Variants in SLC9D1 observed in about 807,000 individuals in gnomAD.
SLC9D1 encodes the protein putative LAG1-interacting protein.
At chr13:113,532,694 G>A in the SLC9D1 span, among the ~76,000 whole-genome samples, 14 of 152,232 alleles carry the variant, frequency 9.2e-5, no homozygotes, top group Admixed American at 5.9e-4. Context: ...GTCTGTCTCC[G>A]TTCCTGCCAG....
the SLC9D1 span, among the ~76,000 whole-genome samples, chr13:113,515,923 G>A: frequency 6.0e-5 from 9 of 149,176 alleles, no homozygotes; most frequent in Non-Finnish European, 1.2e-4. Context: ...AAGAAATGCA[G>A]CTGACTTGTG....
chr13:113,492,892 C>G, the SLC9D1 span, among the ~76,000 whole-genome samples: 1 of 152,082 alleles, frequency 6.6e-6, no homozygotes, highest in Non-Finnish European at 1.5e-5. Context: ...GAGCAAAACT[C>G]CGTCTCAAAC....
chr13:113,534,476 T>C, the SLC9D1 span: 1 of 526,398 alleles, frequency 1.9e-6, no homozygotes, highest in African/African-American at 2.0e-5. Context: ...AAAATAGTGT[T>C]TGTGAGTATT....
At chr13:113,519,189 G>A in the SLC9D1 span, among the ~76,000 whole-genome samples, 1 of 152,132 alleles carries the variant, frequency 6.6e-6, no homozygotes, top group East Asian at 1.9e-4. Context: ...GACTGCAGGT[G>A]CCCGCCACCA....
At chr13:113,525,086 T>G in the SLC9D1 span, among the ~76,000 whole-genome samples, 1 of 152,224 alleles carries the variant, frequency 6.6e-6, no homozygotes, top group Non-Finnish European at 1.5e-5. Flanking sequence ...TATCACTGTT[T>G]GCTGGAATCC....
chr13:113,549,063 G>A, the SLC9D1 span, among the ~76,000 whole-genome samples: 1 of 152,174 alleles, frequency 6.6e-6, no homozygotes, highest in African/African-American at 2.4e-5. Context: ...GCAAACACAG[G>A]CTAAAGCTGT....
chr13:113,533,503 G>T, the SLC9D1 span, among the ~76,000 whole-genome samples: 2 of 152,188 alleles, frequency 1.3e-5, no homozygotes, highest in South Asian at 2.1e-4. Context: ...GCAGATAGTG[G>T]ATGTCCGCTG....
the SLC9D1 span, chr13:113,504,520 G>C: frequency 1.3e-5 from 2 of 152,220 alleles, no homozygotes; most frequent in South Asian, 4.1e-4. Flanking sequence ...GCAGAGTCCA[G>C]TGTGTCATTC....
the SLC9D1 span, chr13:113,500,000 G>A: frequency 1.9e-6 from 3 of 1,568,804 alleles, no homozygotes; most frequent in Non-Finnish European, 2.6e-6. Context: ...GGTGGAGGAA[G>A]AAGAGGCCAA....
At chr13:113,547,439 T>A in the SLC9D1 span, 1 of 1,375,594 alleles carries the variant, frequency 7.3e-7, no homozygotes, top group Non-Finnish European at 1.0e-6. Context: ...GCCCTCCCTG[T>A]GGCCCTGGTT....
At chr13:113,520,718 C>T in the SLC9D1 span, 1 of 1,611,826 alleles carries the variant, frequency 6.2e-7, no homozygotes, top group Admixed American at 1.7e-5. Context: ...CAGGCGGGCG[C>T]CAGTGCATCT....
chr13:113,530,509 GT>G, the SLC9D1 span: 2 of 152,034 alleles, frequency 1.3e-5, no homozygotes, highest in African/African-American at 4.8e-5. Context: ...TTTGTACTAA[GT>G]TTTTTCTACT....
chr13:113,491,151 G>A, the SLC9D1 span: 2 of 152,342 alleles, frequency 1.3e-5, no homozygotes, highest in South Asian at 2.1e-4. Flanking sequence ...CTCCGGCGCT[G>A]CGCTCCGAGG....
chr13:113,510,320 G>T, the SLC9D1 span: 3 of 1,614,188 alleles, frequency 1.9e-6, no homozygotes, highest in Non-Finnish European at 1.7e-6. Context: ...CATCTCTTGC[G>T]GATCAAACCC....
chr13:113,505,261 C>T, the SLC9D1 span: 1 of 152,152 alleles, frequency 6.6e-6, no homozygotes, highest in African/African-American at 2.4e-5. Context: ...GATTTGTACA[C>T]TCTTTTTGGA....
the SLC9D1 span, among the ~76,000 whole-genome samples, chr13:113,521,457 A>G: frequency 2.4e-4 from 31 of 126,870 alleles, no homozygotes; most frequent in East Asian, 4.7e-4. Flanking sequence ...GTATGTCTGT[A>G]GGGGGGTATC....
chr13:113,522,393 T>C, the SLC9D1 span, among the ~76,000 whole-genome samples: 149 of 152,306 alleles, frequency 9.8e-4, 2 homozygotes, highest in Middle Eastern at 0.014. Flanking sequence ...CAGCCTGGAG[T>C]GCAGTGGCAC....
At chr13:113,516,658 C>T in the SLC9D1 span, among the ~76,000 whole-genome samples, 1 of 152,074 alleles carries the variant, frequency 6.6e-6, no homozygotes, top group African/African-American at 2.4e-5. Context: ...TAGCTCTGGC[C>T]ACAGCAGCGG....
chr13:113,498,603 T>G, the SLC9D1 span: 1 of 1,125,288 alleles, frequency 8.9e-7, no homozygotes, highest in Non-Finnish European at 1.3e-6. Flanking sequence ...TGTTCACGTG[T>G]ATGTTTTTAA....
Sources: gnomAD v4.1 joint callset for allele counts (sites outside exome capture counted in the v4.1 genomes callset) on GRCh38, gnomAD v4.1.1 for gene constraint, MANE v1.5 for transcripts, NCBI Gene and HGNC (gene_info 2026-07-23, HGNC 2026-07-21) for gene names.